The following ATP2B2 variants were observed in gnomAD, a reference collection of about 807,000 sequenced individuals.
The protein encoded by ATP2B2 is plasma membrane calcium-transporting ATPase 2.
In ATP2B2, 15 loss-of-function variants were observed where a neutral mutation model predicts 120.0. The observed-to-expected ratio is 0.12, with a 90% CI of 0.08 to 0.19. ATP2B2 has a LOEUF of 0.19. Ranked by LOEUF, ATP2B2 falls within the 10% of genes least tolerant of loss-of-function variation. The pLI is 1.00. For synonymous variants in ATP2B2, 694 were observed against 700.3 expected (o/e 0.99, Z 0.14); for missense variants, 1,045 against 1,719.8 (o/e 0.61, Z 6.94).
intron 1 of ATP2B2, among the ~76,000 whole-genome samples, chr3:10,659,406 CA>C (rs1429479013): frequency 3.9e-5 from 6 of 152,126 alleles, no homozygotes; most frequent in African/African-American, 1.4e-4. Flanking sequence ...GAACATCTAT[CA>C]AGCAAATGGA....
At chr3:10,558,408 C>T (rs960171909) in intron 2 of ATP2B2, among the ~76,000 whole-genome samples, 2 of 152,122 alleles carry the variant, frequency 1.3e-5, no homozygotes, top group Non-Finnish European at 2.9e-5. Context: ...TCTTTTTCTG[C>T]TCGGTTGGCT....
intron 1 of ATP2B2, among the ~76,000 whole-genome samples, chr3:10,701,193 T>C (rs2071812205): frequency 6.6e-6 from 1 of 152,198 alleles, no homozygotes; most frequent in Non-Finnish European, 1.5e-5. Context: ...CATGCTCTTA[T>C]CTACTCCTGA....
chr3:10,608,515 G>A (rs1367351787), intron 2 of ATP2B2, among the ~76,000 whole-genome samples: 1 of 152,224 alleles, frequency 6.6e-6, no homozygotes. Flanking sequence ...CTTTGGTGAT[G>A]AGGCCCTGTC....
intron 12 of ATP2B2, among the ~76,000 whole-genome samples, chr3:10,361,332 T>C (rs1006603338): frequency 2.0e-5 from 3 of 152,236 alleles, no homozygotes; most frequent in African/African-American, 7.2e-5. Flanking sequence ...CTGCGCCCGG[T>C]TGTAACACTG....
At chr3:10,336,126 C>T in intron 22 of ATP2B2, 1 of 1,550,306 alleles carries the variant, frequency 6.5e-7, no homozygotes, top group Non-Finnish European at 8.7e-7. Flanking sequence ...GAGTCACACT[C>T]ACGCCCGGCT....
chr3:10,385,186 C>A, intron 8 of ATP2B2, 82 bp downstream of exon 8: 3 of 1,385,052 alleles, frequency 2.2e-6, no homozygotes, highest in Admixed American at 1.7e-5. Flanking sequence ...CAGTCCAGAA[C>A]AAGGAAAGAA....
chr3:10,599,212 T>C (rs574192123), intron 2 of ATP2B2, among the ~76,000 whole-genome samples: 1 of 152,308 alleles, frequency 6.6e-6, no homozygotes, highest in East Asian at 1.9e-4. Flanking sequence ...CCCACGGCCT[T>C]CAGAACAAAA....
rs2060294454 is a variant in ATP2B2, at chr3:10,342,044, C to G, written c.2917+708G>C. On this transcript the variant is annotated intron_variant, in intron 19 of 22. Transcript: ENST00000360273. The surrounding 1 kb of genome is among the most constrained non-coding windows in gnomAD (Gnocchi z 4.4). ...ACTGCGGGCCAGACCCTTCCCCTCT[C>G]TGGGCCTCTGTTTCCCCATCTGTGA... is the stretch of plus-strand genomic sequence containing the variant. Among the ~76,000 whole-genome samples, 1 of 152,234 alleles carries G rather than the reference C, an allele frequency of 6.6e-6. No individual in the cohort carries two copies.
chr3:10,477,121 A>G (rs545566995), intron 1 of ATP2B2, among the ~76,000 whole-genome samples: 26 of 152,228 alleles, frequency 1.7e-4, no homozygotes, highest in Non-Finnish European at 3.2e-4. Flanking sequence ...CTCACCATGC[A>G]GCAGACACCA....
At chr3:10,684,764 A>C (rs1372250362) in intron 1 of ATP2B2, among the ~76,000 whole-genome samples, 1 of 152,252 alleles carries the variant, frequency 6.6e-6, no homozygotes, top group Non-Finnish European at 1.5e-5. Context: ...CAATGGCCAC[A>C]AAGGGGTCAC....
At chr3:10,470,332 G>T (rs1010182612) in intron 1 of ATP2B2, among the ~76,000 whole-genome samples, 5 of 152,134 alleles carry the variant, frequency 3.3e-5, no homozygotes, top group African/African-American at 1.2e-4. Context: ...GGAAACTGAG[G>T]CTCAGAGAGA....
chr3:10,341,553 C>T (rs774078515), intron 19 of ATP2B2, among the ~76,000 whole-genome samples: 8 of 152,166 alleles, frequency 5.3e-5, no homozygotes, highest in Non-Finnish European at 1.2e-4. Context: ...TCAAGTGATC[C>T]ACCCGCCTCG....
intron 5 of ATP2B2, among the ~76,000 whole-genome samples, chr3:10,393,148 A>G (rs758090685): frequency 2.6e-5 from 4 of 152,184 alleles, no homozygotes; most frequent in African/African-American, 7.2e-5. Flanking sequence ...AGATAGGCAC[A>G]CAGATCCAGA....
At chr3:10,434,726 C>T (rs2063422986) in intron 2 of ATP2B2, among the ~76,000 whole-genome samples, 1 of 152,262 alleles carries the variant, frequency 6.6e-6, no homozygotes, top group Non-Finnish European at 1.5e-5. Flanking sequence ...GGCTGACAGC[C>T]TCCAACCCCT....
At chr3:10,558,841 A>G (rs2067838398) in intron 2 of ATP2B2, among the ~76,000 whole-genome samples, 1 of 152,156 alleles carries the variant, frequency 6.6e-6, no homozygotes, top group African/African-American at 2.4e-5. Flanking sequence ...AAGGAAAGGA[A>G]GACAGGAGAG....
intron 3 of ATP2B2, among the ~76,000 whole-genome samples, chr3:10,406,079 C>T (rs577296205): frequency 5.3e-5 from 8 of 152,346 alleles, no homozygotes; most frequent in African/African-American, 1.7e-4. Flanking sequence ...GCCCCAACTG[C>T]TTTCTCAGTG....
intron 1 of ATP2B2, among the ~76,000 whole-genome samples, chr3:10,459,817 A>G (rs1273988427): frequency 1.3e-5 from 2 of 152,238 alleles, no homozygotes; most frequent in South Asian, 2.1e-4. Context: ...CAGCCCCGCC[A>G]TTTATACAGG....
At chr3:10,518,433 G>A (rs1471251618) in intron 3 of ATP2B2, among the ~76,000 whole-genome samples, 3 of 152,166 alleles carry the variant, frequency 2.0e-5, no homozygotes, top group East Asian at 1.9e-4. Flanking sequence ...AGGATTTCTC[G>A]GAGGTTAGAA....
intron 6 of ATP2B2, chr3:10,388,065 T>C (rs1020596506): frequency 1.1e-4 from 70 of 625,820 alleles, no homozygotes; most frequent in Middle Eastern, 4.3e-4. Flanking sequence ...CATGACATGA[T>C]TGGACAAGAC....
Sources: gnomAD v4.1 joint callset for allele counts (sites outside exome capture counted in the v4.1 genomes callset) on GRCh38, gnomAD v4.1.1 for gene constraint, Gnocchi (gnomAD v3.1) non-coding constraint, MANE v1.5 for transcripts, NCBI Gene and HGNC (gene_info 2026-07-23, HGNC 2026-07-21) for gene names.